Variants in DHRSX observed in about 807,000 individuals in gnomAD.
DHRSX encodes the protein polyprenol dehydrogenase.
Under a neutral mutation model 34.0 loss-of-function variants are expected in DHRSX, and 31 were observed. The observed-to-expected ratio is 0.91, with a 90% CI of 0.69 to 1.23. The LOEUF (loss-of-function observed/expected upper bound fraction) is 1.23, where lower values mean the gene tolerates loss of function less well. Ranked by LOEUF, DHRSX falls within the 50% of genes most tolerant of loss-of-function variation. DHRSX has a pLI of 0.00. For synonymous variants in DHRSX, 201 were observed against 183.8 expected (o/e 1.09, Z -0.76); for missense variants, 414 against 428.1 (o/e 0.97, Z 0.29).
chrX:2,327,632 G>A (rs760551313), intron 3 of DHRSX, among the ~76,000 whole-genome samples: 1 of 152,268 alleles, frequency 6.6e-6, no homozygotes, highest in Admixed American at 6.5e-5. Flanking sequence ...CAGCTGTGAT[G>A]GGCTGATTCC....
In DHRSX at chrX:2,425,282, A is replaced by ACGGTCAGGT; in HGVS notation, c.123_131dup (p.Pro42_Arg44dup). The ACGGTCAGGT allele has an allele frequency of 6.2e-7, 1 of 1,613,928 alleles. No individual in the cohort carries two copies. Among genetic ancestry groups the ACGGTCAGGT allele is most frequent in the Non-Finnish European group, 8.5e-7 (1 of 1,179,812 alleles). On this transcript the variant is annotated inframe_insertion, in exon 2 of 7. Transcript: ENST00000334651. Reference sequence around the variant, plus strand: ...CTGTCCCTCCCGTCACTATAGCGACACGGTCAGGTCGTGGGGGGAAAACTG... The same window carrying ACGGTCAGGT: ...CTGTCCCTCCCGTCACTATAGCGACACGGTCAGGTCGGTCAGGTCGTGGGGGGAAAACTG...
intron 1 of DHRSX, chrX:2,489,113 G>T: frequency 6.2e-7 from 1 of 1,613,618 alleles, no homozygotes; most frequent in Non-Finnish European, 8.5e-7. Flanking sequence ...CGGCGGCGTG[G>T]ATGTCCGCAT....
intron 3 of DHRSX, among the ~76,000 whole-genome samples, chrX:2,362,661 C>T (rs2042947178): frequency 6.6e-6 from 1 of 152,186 alleles, no homozygotes; most frequent in Non-Finnish European, 1.5e-5. Context: ...AAGGATGGAT[C>T]AATAACTCCA....
intron 1 of DHRSX, among the ~76,000 whole-genome samples, chrX:2,432,382 G>A: frequency 6.6e-6 from 1 of 152,178 alleles, no homozygotes; most frequent in South Asian, 2.1e-4. Flanking sequence ...AATTGCTGTG[G>A]GGAAAAGAAT....
At chrX:2,255,784 G>T (rs1020286860) in intron 5 of DHRSX, among the ~76,000 whole-genome samples, 1 of 151,456 alleles carries the variant, frequency 6.6e-6, no homozygotes, top group South Asian at 2.1e-4. Context: ...GCATGGTGGC[G>T]GTGCCTGTAG....
intron 1 of DHRSX, among the ~76,000 whole-genome samples, chrX:2,449,255 C>G (rs189788155): frequency 0.048 from 7,295 of 151,918 alleles, 259 homozygotes; most frequent in East Asian, 0.081. Context: ...AATGATCACA[C>G]GAGGTCATCT....
chrX:2,458,769 A>C (rs2044350270), intron 1 of DHRSX, among the ~76,000 whole-genome samples: 1 of 152,032 alleles, frequency 6.6e-6, no homozygotes, highest in Non-Finnish European at 1.5e-5. Context: ...AGGCTGAGGA[A>C]GGAGGATCAC....
rs7889210 is a variant in DHRSX at position 2,454,255 on chromosome X, T to A, written c.110-28951A>T. Among the ~76,000 whole-genome samples, 10 of 151,948 alleles carry A rather than the reference T, an allele frequency of 6.6e-5. 1 individual carries two copies. The highest frequency in any genetic ancestry group is 2.1e-4 in the South Asian group (1 of 4,814). On this transcript the variant is annotated intron_variant, in intron 1 of 6. Transcript: ENST00000334651. ...GGTGTATCCACACTGGGCCGGGCGC[T>A]GTGACTCACGCCTGTCATCCCAGCA... is the stretch of plus-strand genomic sequence containing the variant.
intron 3 of DHRSX, among the ~76,000 whole-genome samples, chrX:2,304,927 T>C (rs1268473584): frequency 1.3e-5 from 2 of 152,076 alleles, no homozygotes; most frequent in Non-Finnish European, 2.9e-5. Flanking sequence ...GCAGCACTAT[T>C]CACAATAGCA....
intron 1 of DHRSX, among the ~76,000 whole-genome samples, chrX:2,477,708 G>T (rs1249476625): frequency 6.6e-6 from 1 of 152,118 alleles, no homozygotes; most frequent in African/African-American, 2.4e-5. Flanking sequence ...AGCCGAGCGT[G>T]GTGGCACATG....
At chrX:2,326,367 A>G (rs774754714) in intron 3 of DHRSX, among the ~76,000 whole-genome samples, 4 of 152,262 alleles carry the variant, frequency 2.6e-5, no homozygotes, top group Admixed American at 2.6e-4. Context: ...TACTAAAAAT[A>G]CAAAAATTAG....
chrX:2,398,673 T>A (rs2043444304), intron 3 of DHRSX, among the ~76,000 whole-genome samples: 1 of 148,126 alleles, frequency 6.8e-6, no homozygotes, highest in African/African-American at 2.5e-5. Context: ...CATATTCCTT[T>A]TTTTTTTTTT....
chrX:2,415,626 C>A (rs762680809), intron 2 of DHRSX, among the ~76,000 whole-genome samples: 1 of 151,060 alleles, frequency 6.6e-6, no homozygotes, highest in South Asian at 2.1e-4. Context: ...CATACCCTAA[C>A]CCAACTAGAC....
chrX:2,296,984 TAGGAC>T (rs2041942158), intron 3 of DHRSX, among the ~76,000 whole-genome samples: 4 of 104,994 alleles, frequency 3.8e-5, no homozygotes, highest in African/African-American at 1.1e-4. Flanking sequence ...CAGACAGGAA[TAGGAC>T]CCAGGCAGAT....
chrX:2,382,868 TATC>T (rs1281101767), intron 3 of DHRSX, among the ~76,000 whole-genome samples: 28 of 85,658 alleles, frequency 3.3e-4, no homozygotes, highest in African/African-American at 4.1e-4. Flanking sequence ...TCATCATCAC[TATC>T]ATCATCATCA....
At chrX:2,437,690 AGAGAGAGAGTGTGTGTGTGTGT>A (rs1487937718) in intron 1 of DHRSX, among the ~76,000 whole-genome samples, 7 of 75,224 alleles carry the variant, frequency 9.3e-5, no homozygotes, top group African/African-American at 2.7e-4. Context: ...AGAGAGAGAG[AGAGAGAGAGTGTGTGTGTGTGT>A]GTGTGTGTGT....
intron 2 of DHRSX, among the ~76,000 whole-genome samples, chrX:2,414,481 T>A (rs918419495): frequency 2.0e-5 from 3 of 151,244 alleles, no homozygotes; most frequent in Non-Finnish European, 4.4e-5. Flanking sequence ...CTAACCAAAC[T>A]AGACCTCATC....
At chrX:2,484,605 C>T (rs755981943) in intron 1 of DHRSX, among the ~76,000 whole-genome samples, 3 of 152,290 alleles carry the variant, frequency 2.0e-5, no homozygotes, top group East Asian at 1.9e-4. Flanking sequence ...TTGCTGCAGA[C>T]GGTCCTGTGA....
At chrX:2,227,721 T>A (rs1481085906) in intron 6 of DHRSX, among the ~76,000 whole-genome samples, 5 of 3,278 alleles carry the variant, frequency 1.5e-3, no homozygotes, top group Non-Finnish European at 2.0e-3. Flanking sequence ...GAAGGAAGGA[T>A]GGGAGGGAGG....
Sources: gnomAD v4.1 joint callset for allele counts (sites outside exome capture counted in the v4.1 genomes callset) on GRCh38, gnomAD v4.1.1 for gene constraint, MANE v1.5 for transcripts, NCBI Gene and HGNC (gene_info 2026-07-23, HGNC 2026-07-21) for gene names.